SLC24A2: variants seen among roughly 807,000 people sequenced by gnomAD.
SLC24A2 encodes solute carrier family 24 member 2, also known as sodium/potassium/calcium exchanger 2.
SLC24A2 carries 36 observed loss-of-function variants against 62.0 expected under a neutral mutation model. That is an observed-to-expected ratio of 0.58 (90% CI 0.44 to 0.77). The LOEUF (loss-of-function observed/expected upper bound fraction) is 0.77. Among genes scored for constraint, SLC24A2 ranks in the 30% least tolerant of loss-of-function variants. SLC24A2 has a pLI of 0.00. For missense variants in SLC24A2, 846 were observed against 817.9 expected (o/e 1.03, Z -0.42); for synonymous variants, 358 against 294.0 (o/e 1.22, Z -2.23).
chr9:19,549,034 TCAA>T (rs914741184), intron 8 of SLC24A2, among the ~76,000 whole-genome samples: 2 of 152,212 alleles, frequency 1.3e-5, no homozygotes, highest in African/African-American at 4.8e-5. Context: ...AGAACTCACT[TCAA>T]CAACAGTGGG....
At chr9:20,183,517 T>A in the SLC24A2 span, among the ~76,000 whole-genome samples, 2 of 152,202 alleles carry the variant, frequency 1.3e-5, no homozygotes, top group East Asian at 3.9e-4. Flanking sequence ...GAATAACAAT[T>A]ATTTCCTAAA....
the SLC24A2 span, among the ~76,000 whole-genome samples, chr9:19,796,292 G>T: frequency 6.6e-6 from 1 of 151,952 alleles, no homozygotes; most frequent in Non-Finnish European, 1.5e-5. Context: ...CAGTTGAGCT[G>T]CATAGTATAC....
the SLC24A2 span, among the ~76,000 whole-genome samples, chr9:20,221,294 T>A: frequency 6.6e-6 from 1 of 152,052 alleles, no homozygotes; most frequent in Non-Finnish European, 1.5e-5. Flanking sequence ...TGGCTTAGGA[T>A]ACAGTGATAG....
At chr9:19,660,998 G>A (rs533543502) in intron 2 of SLC24A2, among the ~76,000 whole-genome samples, 13 of 152,292 alleles carry the variant, frequency 8.5e-5, no homozygotes, top group African/African-American at 3.1e-4. Flanking sequence ...GCCCAGTGGG[G>A]TATGGCTAGT....
intron 2 of SLC24A2, among the ~76,000 whole-genome samples, chr9:19,662,715 C>T (rs958311759): frequency 2.6e-5 from 4 of 152,190 alleles, no homozygotes; most frequent in African/African-American, 9.6e-5. Context: ...TTCCCCTTCT[C>T]TTTTGAAAAG....
chr9:19,907,262 G>C, the SLC24A2 span, among the ~76,000 whole-genome samples: 5 of 152,176 alleles, frequency 3.3e-5, no homozygotes, highest in African/African-American at 1.2e-4. Flanking sequence ...AAAGGCCTTT[G>C]ACAAAATTCA....
chr9:19,977,375 G>C, the SLC24A2 span, among the ~76,000 whole-genome samples: 10 of 152,216 alleles, frequency 6.6e-5, no homozygotes, highest in African/African-American at 1.9e-4. Context: ...GGGATGGTGG[G>C]AGTTGAGATA....
At chr9:19,950,472 T>C in the SLC24A2 span, among the ~76,000 whole-genome samples, 1 of 151,956 alleles carries the variant, frequency 6.6e-6, no homozygotes, top group African/African-American at 2.4e-5. Flanking sequence ...AATAAATCCA[T>C]CCACTGTTAA....
At chr9:20,247,042 G>A in the SLC24A2 span, among the ~76,000 whole-genome samples, 4 of 152,306 alleles carry the variant, frequency 2.6e-5, no homozygotes, top group Middle Eastern at 3.4e-3. Flanking sequence ...AATAACATGT[G>A]AGACCACTTA....
At chr9:19,741,799 G>A (rs1348154343) in intron 2 of SLC24A2, among the ~76,000 whole-genome samples, 1 of 151,968 alleles carries the variant, frequency 6.6e-6, no homozygotes, top group Admixed American at 6.6e-5. Context: ...TTCTCTTATT[G>A]AGCATACATT....
rs1418493915 is a variant in SLC24A2, at chr9:19,528,089, A to G, written c.1529T>C (p.Ile510Thr). 2.5e-6 allele frequency: 4 copies of G among 1,599,070 alleles called. No individual in the cohort carries two copies. The highest frequency in any genetic ancestry group is 8.5e-7 in the Non-Finnish European group (1 of 1,172,314). Residue 510 changes from isoleucine to threonine, a missense_variant, in exon 9 of 11, where the codon ATT becomes ACT. Ile to Thr is a moderately conservative substitution (Grantham distance 89). Transcript: ENST00000341998. ...GACCATCAAGTAAGAGAATACTGCA[A>G]TCCAGGTAATGGAGCCAAAGAACGT... ...PITFFGSITW[I>T]AVFSYLMVWW...
chr9:19,811,670 A>G, the SLC24A2 span, among the ~76,000 whole-genome samples: 1 of 152,072 alleles, frequency 6.6e-6, no homozygotes, highest in African/African-American at 2.4e-5. Flanking sequence ...TTCAGCGTGC[A>G]TCCTCAATTA....
the SLC24A2 span, among the ~76,000 whole-genome samples, chr9:19,835,490 T>C: frequency 6.6e-6 from 1 of 152,132 alleles, no homozygotes; most frequent in Non-Finnish European, 1.5e-5. Flanking sequence ...GGCCATTACA[T>C]AATGGTAAAG....
At chr9:20,133,926 T>C in the SLC24A2 span, among the ~76,000 whole-genome samples, 21 of 152,308 alleles carry the variant, frequency 1.4e-4, no homozygotes, top group Non-Finnish European at 1.5e-4. Flanking sequence ...AAATTCTATT[T>C]GAATCTTTCC....
At chr9:19,919,933 G>A in the SLC24A2 span, among the ~76,000 whole-genome samples, 2 of 152,054 alleles carry the variant, frequency 1.3e-5, no homozygotes, top group African/African-American at 4.8e-5. Context: ...AGATGTGGGT[G>A]GGGACACAGC....
At chr9:19,560,050 C>T (rs1397337314) in intron 7 of SLC24A2, among the ~76,000 whole-genome samples, 1 of 152,114 alleles carries the variant, frequency 6.6e-6, no homozygotes, top group Non-Finnish European at 1.5e-5. Flanking sequence ...ACTTGCCAAA[C>T]AAGGTGTGCT....
the SLC24A2 span, among the ~76,000 whole-genome samples, chr9:20,161,796 C>T: frequency 6.8e-6 from 1 of 148,030 alleles, no homozygotes; most frequent in Admixed American, 6.7e-5. Context: ...AAACATCATA[C>T]CACACACATA....
chr9:20,118,470 T>C, the SLC24A2 span, among the ~76,000 whole-genome samples: 2 of 152,104 alleles, frequency 1.3e-5, no homozygotes, highest in African/African-American at 2.4e-5. Flanking sequence ...GCTTGAGAGA[T>C]AACCAACAAG....
the SLC24A2 span, among the ~76,000 whole-genome samples, chr9:19,901,305 C>T: frequency 6.6e-6 from 1 of 152,104 alleles, no homozygotes; most frequent in Admixed American, 6.6e-5. Flanking sequence ...GGATGCTGTA[C>T]ACAGTAGGCA....
Sources: allele counts gnomAD v4.1 joint callset (sites outside exome capture counted in the v4.1 genomes callset), GRCh38; gene constraint gnomAD v4.1.1; transcripts MANE v1.5; gene names NCBI Gene and HGNC (gene_info 2026-07-23, HGNC 2026-07-21).